Variants in ZHX2 observed in about 807,000 individuals in gnomAD.
ZHX2 encodes the protein zinc fingers and homeoboxes 2, also known as zinc fingers and homeoboxes protein 2.
A neutral mutation model predicts 21.9 loss-of-function variants in ZHX2; 6 were observed. The ratio of observed to expected loss-of-function variants is 0.27; its 90% CI spans 0.15 to 0.54. The LOEUF (loss-of-function observed/expected upper bound fraction) is 0.54. ZHX2 is among the 20% of genes least tolerant of loss of function. The pLI is 0.95. For synonymous variants in ZHX2, 434 were observed against 437.1 expected, an observed-to-expected ratio of 0.99 and a Z score of 0.09; for missense variants, 908 against 1,090.7, an observed-to-expected ratio of 0.83 and a Z score of 2.36.
At chr8:122,871,925 T>C (rs1344134450) in intron 2 of ZHX2, among the ~76,000 whole-genome samples, 1 of 152,150 alleles carries the variant, frequency 6.6e-6, no homozygotes, top group East Asian at 1.9e-4. Context: ...ACATACAGGC[T>C]GGTGATTACC....
intron 2 of ZHX2, among the ~76,000 whole-genome samples, chr8:122,894,765 G>A (rs886823317): frequency 1.3e-5 from 2 of 152,096 alleles, no homozygotes; most frequent in African/African-American, 4.8e-5. Flanking sequence ...CCTGTACATT[G>A]TGCACATGTA....
In ZHX2 at chr8:122,782,733, G is replaced by T. The variant is rs1447140943; in HGVS notation, c.-283+787G>T. On this transcript the variant is annotated intron_variant, in intron 1 of 3. Transcript: ENST00000314393. The surrounding 1 kb of genome is among the most constrained non-coding windows in gnomAD (Gnocchi z 5.3). ...GGTGCAGGGGGAGTCCGCGCGGGGC[G>T]GGGGGCCGAGGGCGGCCGCGGGACC... Among the ~76,000 whole-genome samples the T allele has an allele frequency of 6.6e-6, 1 of 152,026 alleles. No homozygotes were observed. The highest frequency in any genetic ancestry group is 2.4e-5 in the African/African-American group (1 of 41,438).
chr8:122,912,401 G>A (rs1028269279), intron 2 of ZHX2, among the ~76,000 whole-genome samples: 6 of 152,172 alleles, frequency 3.9e-5, no homozygotes, highest in African/African-American at 1.2e-4. Flanking sequence ...CCCACCAATG[G>A]CATCATGTAG....
At chr8:122,896,225 CTT>C (rs67928380) in intron 2 of ZHX2, among the ~76,000 whole-genome samples, 25 of 143,048 alleles carry the variant, frequency 1.7e-4, no homozygotes, top group African/African-American at 4.3e-4. Context: ...TACTAGGACT[CTT>C]TTTTTTTTTT....
In ZHX2 at chr8:122,924,572, A is replaced by G. The variant is rs1820809127; in HGVS notation, c.-219-26720A>G. 1.3e-5 allele frequency among the ~76,000 whole-genome samples: 2 copies of G among 152,044 alleles called. 1 individual carries two copies. The highest frequency in any genetic ancestry group is 4.2e-4 in the South Asian group (2 of 4,814). ...TGGGGCCAAAGCCTGGCCTCGCACA[A>G]TCTCACTTCCAGTCTCTCTTGATCT... On this transcript the variant is annotated intron_variant, in intron 2 of 3. Coordinates refer to ENST00000314393, the MANE Select transcript of ZHX2 (RefSeq NM_014943.5).
At chr8:122,842,855 G>C (rs1295428985) in intron 1 of ZHX2, among the ~76,000 whole-genome samples, 1 of 152,226 alleles carries the variant, frequency 6.6e-6, no homozygotes, top group Non-Finnish European at 1.5e-5. Context: ...CTGCGCTTTG[G>C]GGTTCTCAAA....
chr8:122,929,322 T>C (rs921787888), intron 2 of ZHX2, among the ~76,000 whole-genome samples: 10 of 152,142 alleles, frequency 6.6e-5, no homozygotes, highest in African/African-American at 2.4e-4. Flanking sequence ...CTTCATATCT[T>C]TATATTTTGG....
At chr8:122,938,028 C>T (rs866831235) in intron 2 of ZHX2, among the ~76,000 whole-genome samples, 2 of 150,088 alleles carry the variant, frequency 1.3e-5, no homozygotes, top group African/African-American at 2.5e-5. Flanking sequence ...CTCCGCCTCC[C>T]GGGTTCAAGA....
At chr8:122,961,614 G>A (rs1171398600) in intron 3 of ZHX2, among the ~76,000 whole-genome samples, 4 of 152,180 alleles carry the variant, frequency 2.6e-5, no homozygotes, top group Non-Finnish European at 4.4e-5. Flanking sequence ...GGGAAGCAAG[G>A]CACCTTCTTC....
chr8:122,874,361 C>T (rs941701579), intron 2 of ZHX2, among the ~76,000 whole-genome samples: 5 of 152,158 alleles, frequency 3.3e-5, no homozygotes, highest in African/African-American at 1.2e-4. Context: ...GCTCTTGGCA[C>T]CCAGACTGGA....
At chr8:122,865,081 G>A (rs1008026997) in intron 2 of ZHX2, among the ~76,000 whole-genome samples, 2 of 152,110 alleles carry the variant, frequency 1.3e-5, no homozygotes, top group African/African-American at 4.8e-5. Context: ...TTGCTGTCAG[G>A]GGCTGGGGAA....
Position 122,951,523 on chromosome 8 carries a change from C to G in ZHX2, c.13C>G (p.Arg5Gly). Residue 5 changes from arginine to glycine, a missense_variant, in exon 3 of 4, where the codon CGA becomes GGA. By Grantham distance (125) the Arg-to-Gly change is moderately radical (BLOSUM62 -2). This residue lies in a region of ZHX2 where 25 missense variants were observed against 48.9 expected (regional missense o/e 0.51). Transcript: ENST00000314393. ...ACAGACAGGCAGCATGGCTAGCAAA[C>G]GAAAATCTACAACTCCATGCATGGT... MASK[R>G]KSTTPCMVRT... is the part of the protein sequence containing the mutation. 1 of 1,610,746 alleles carries G rather than the reference C, an allele frequency of 6.2e-7. No individual in the cohort carries two copies. The highest frequency in any genetic ancestry group is 8.5e-7 in the Non-Finnish European group (1 of 1,177,912).
At chr8:122,911,863 G>T (rs1820488873) in intron 2 of ZHX2, among the ~76,000 whole-genome samples, 1 of 152,136 alleles carries the variant, frequency 6.6e-6, no homozygotes, top group African/African-American at 2.4e-5. Context: ...GATGAGAGGG[G>T]TTGCAGGTAA....
At chr8:122,807,017 G>A (rs1220286762) in intron 1 of ZHX2, among the ~76,000 whole-genome samples, 2 of 152,188 alleles carry the variant, frequency 1.3e-5, no homozygotes, top group African/African-American at 4.8e-5. Flanking sequence ...GGTGGAGGGC[G>A]AGGATGTGCA....
Position 122,920,734 on chromosome 8 carries a change from C to T in ZHX2, c.-219-30558C>T, listed in dbSNP as rs1033563688. Among the ~76,000 whole-genome samples the T allele has an allele frequency of 3.9e-5, 6 of 152,176 alleles. No individual in the cohort carries two copies. In the East Asian group the frequency reaches 5.8e-4, roughly 15 times the overall value. On this transcript the variant is annotated intron_variant, in intron 2 of 3. Coordinates refer to ENST00000314393, the MANE Select transcript of ZHX2 (RefSeq NM_014943.5). ...GGCCACGTGCCCTCCAGTTCACAGC[C>T]GCAGCCTCTCAGAGAATAGAAATGA...
intron 1 of ZHX2, among the ~76,000 whole-genome samples, chr8:122,811,208 T>C (rs906722831): frequency 5.3e-5 from 8 of 151,798 alleles, no homozygotes; most frequent in Middle Eastern, 3.2e-3. Flanking sequence ...GGCGAAACCC[T>C]ATCACTACAA....
intron 2 of ZHX2, among the ~76,000 whole-genome samples, chr8:122,947,475 T>C (rs995897115): frequency 8.5e-5 from 13 of 152,220 alleles, no homozygotes; most frequent in African/African-American, 2.9e-4. Context: ...AAAGGCCACA[T>C]GTGGCCAGTG....
rs374490239 is a variant in ZHX2, at chr8:122,861,297, T to C, written c.-282-2180T>C. Among the ~76,000 whole-genome samples, 61 of 152,312 alleles carry C rather than the reference T, an allele frequency of 4.0e-4. 1 individual carries two copies. The South Asian group carries it at 0.012, about 31-fold the overall frequency. ...AAAACATTAATGTGCTGGGAACATT[T>C]GCCTAAGAGCCAATACTACTTCCAC... is the stretch of plus-strand genomic sequence containing the variant. On this transcript the variant is annotated intron_variant, in intron 1 of 3. Coordinates refer to ENST00000314393, the MANE Select transcript of ZHX2 (RefSeq NM_014943.5).
chr8:122,815,305 G>A (rs1818008595), intron 1 of ZHX2: 1 of 152,126 alleles, frequency 6.6e-6, no homozygotes, highest in Admixed American at 6.5e-5. Context: ...CATTTTTATT[G>A]CTCTTAAAAT....
Sources: allele counts gnomAD v4.1 joint callset (sites outside exome capture counted in the v4.1 genomes callset), GRCh38; gene constraint gnomAD v4.1.1; regional missense constraint gnomAD v4.1.1; non-coding constraint Gnocchi (gnomAD v3.1); transcripts MANE v1.5; gene names NCBI Gene and HGNC (gene_info 2026-07-23, HGNC 2026-07-21).